Variants in AP1S3 observed in about 807,000 individuals in gnomAD.
The protein encoded by AP1S3 is adaptor related protein complex 1 subunit sigma 3, also known as AP-1 complex subunit sigma-3.
AP1S3 carries 10 observed loss-of-function variants against 20.9 expected under a neutral mutation model. The observed-to-expected ratio is 0.48, with a 90% confidence interval of 0.29 to 0.81. The LOEUF is 0.81. Among genes scored for constraint, AP1S3 ranks in the 30% least tolerant of loss-of-function variants. AP1S3 has a pLI of 0.08. For synonymous variants in AP1S3, 41 were observed against 61.5 expected (o/e 0.67, Z 1.56); for missense variants, 154 against 183.8 (o/e 0.84, Z 0.94).
chr2:223,821,639 A>C (rs1433756778), intron 1 of AP1S3, among the ~76,000 whole-genome samples: 1 of 152,176 alleles, frequency 6.6e-6, no homozygotes, highest in Non-Finnish European at 1.5e-5. Flanking sequence ...TTCGTGAGCA[A>C]TGCAGCCACG....
At chr2:223,813,491 G>C (rs1559142711) in intron 1 of AP1S3, among the ~76,000 whole-genome samples, 2 of 152,158 alleles carry the variant, frequency 1.3e-5, no homozygotes, top group Non-Finnish European at 2.9e-5. Context: ...CTTTTAAAAT[G>C]TGGTAACTGA....
chr2:223,822,548 G>A (rs995718965), intron 1 of AP1S3, among the ~76,000 whole-genome samples: 10 of 152,096 alleles, frequency 6.6e-5, no homozygotes, highest in Non-Finnish European at 1.5e-4. Flanking sequence ...GCCGGGCATG[G>A]TGGTGCATTC....
Position 223,758,519 on chromosome 2 carries a change from C to T in AP1S3, c.*196G>A. On this transcript the variant is annotated 3_prime_UTR_variant, in exon 5 of 5. Coordinates refer to ENST00000396654, the MANE Select transcript of AP1S3 (RefSeq NM_001039569.2). ...GTACCTATACAGTATAACACAGACA[C>T]ATAATTTTTTTTAATAATACAGACA... The T allele has an allele frequency of 1.5e-6, 2 of 1,291,694 alleles. No homozygotes were observed. Among genetic ancestry groups the T allele is most frequent in the Non-Finnish European group, 2.0e-6 (2 of 1,021,434 alleles). 80.0% of individuals were successfully genotyped at this position (1,291,694 alleles called of 1,614,324 possible). A position where few individuals can be genotyped will look rare whatever the true frequency, so the allele number is the denominator to read the frequency against.
intron 1 of AP1S3, among the ~76,000 whole-genome samples, chr2:223,825,869 T>A (rs1293732564): frequency 6.6e-6 from 1 of 151,860 alleles, no homozygotes; most frequent in Non-Finnish European, 1.5e-5. Context: ...AGACAAAAAT[T>A]AGTCAGGTGT....
At chr2:223,826,723 G>A (rs369718333) in intron 1 of AP1S3, among the ~76,000 whole-genome samples, 8 of 151,988 alleles carry the variant, frequency 5.3e-5, no homozygotes, top group African/African-American at 1.9e-4. Context: ...GCACAATCTC[G>A]GCTCACTGCA....
At chr2:223,763,511 C>T (rs1228315232) in intron 4 of AP1S3, among the ~76,000 whole-genome samples, 1 of 152,124 alleles carries the variant, frequency 6.6e-6, no homozygotes, top group African/African-American at 2.4e-5. Flanking sequence ...CCTCCACCCC[C>T]TCCACCTGCC....
intron 1 of AP1S3, among the ~76,000 whole-genome samples, chr2:223,823,277 G>A (rs927588579): frequency 6.6e-6 from 1 of 152,204 alleles, no homozygotes; most frequent in African/African-American, 2.4e-5. Context: ...ATTTGGAGGA[G>A]ATACCTGCAA....
chr2:223,762,516 G>A (rs1401312786), intron 4 of AP1S3, among the ~76,000 whole-genome samples: 4 of 151,906 alleles, frequency 2.6e-5, no homozygotes, highest in East Asian at 1.9e-4. Flanking sequence ...CAAGTGATCC[G>A]CCCACCTCGG....
intron 1 of AP1S3, among the ~76,000 whole-genome samples, chr2:223,815,309 C>T (rs1325315747): frequency 6.6e-6 from 1 of 152,164 alleles, no homozygotes; most frequent in Non-Finnish European, 1.5e-5. Context: ...TATGACACAT[C>T]TTTGAGAGGC....
At chr2:223,831,608 G>C (rs1430758262) in intron 1 of AP1S3, among the ~76,000 whole-genome samples, 1 of 152,150 alleles carries the variant, frequency 6.6e-6, no homozygotes. Flanking sequence ...AACAGAGAAA[G>C]TATCGGGGAA....
intron 1 of AP1S3, among the ~76,000 whole-genome samples, chr2:223,808,684 G>A (rs1349270987): frequency 6.6e-6 from 1 of 152,180 alleles, no homozygotes; most frequent in Non-Finnish European, 1.5e-5. Flanking sequence ...TTCCTTCAGA[G>A]TACTCAATAC....
At chr2:223,809,473 C>T (rs1028146512) in intron 1 of AP1S3, among the ~76,000 whole-genome samples, 19 of 151,776 alleles carry the variant, frequency 1.3e-4, no homozygotes, top group African/African-American at 4.6e-4. Flanking sequence ...GGTGAAACCC[C>T]GTCTCTACTA....
chr2:223,828,590 C>T (rs1164108576), intron 1 of AP1S3, among the ~76,000 whole-genome samples: 2 of 152,122 alleles, frequency 1.3e-5, no homozygotes, highest in Non-Finnish European at 2.9e-5. Flanking sequence ...AAATTCTTCT[C>T]CTGTGTGATT....
chr2:223,795,782 A>G (rs1691323235), intron 1 of AP1S3, among the ~76,000 whole-genome samples: 1 of 152,332 alleles, frequency 6.6e-6, no homozygotes, highest in Non-Finnish European at 1.5e-5. Context: ...TAAGGACCTC[A>G]GTGATGCTGG....
chr2:223,794,239 C>T (rs1356823258), intron 1 of AP1S3, among the ~76,000 whole-genome samples: 2 of 151,960 alleles, frequency 1.3e-5, no homozygotes, highest in Non-Finnish European at 1.5e-5. Flanking sequence ...TGGAGAATTG[C>T]TTTGGCTTTT....
intron 1 of AP1S3, among the ~76,000 whole-genome samples, chr2:223,779,140 C>A (rs1003216007): frequency 6.6e-6 from 1 of 152,160 alleles, no homozygotes; most frequent in Non-Finnish European, 1.5e-5. Context: ...AGGAAGCAAC[C>A]TGATTTTATT....
At chr2:223,826,604 A>C (rs1692134678) in intron 1 of AP1S3, among the ~76,000 whole-genome samples, 1 of 152,178 alleles carries the variant, frequency 6.6e-6, no homozygotes, top group African/African-American at 2.4e-5. Context: ...GAAACAAAAC[A>C]AAACAAAATT....
At chr2:223,791,309 G>A (rs1350970889) in intron 1 of AP1S3, among the ~76,000 whole-genome samples, 4 of 152,230 alleles carry the variant, frequency 2.6e-5, no homozygotes, top group Middle Eastern at 3.4e-3. Context: ...ACCAAATCCA[G>A]CAGCACATCA....
chr2:223,831,101 T>C (rs1055148114), intron 1 of AP1S3, among the ~76,000 whole-genome samples: 78 of 152,112 alleles, frequency 5.1e-4, no homozygotes, highest in African/African-American at 1.7e-3. Context: ...CTCCTCAGCC[T>C]CCCAAAGTGC....
Sources: gnomAD v4.1 joint callset for allele counts (sites outside exome capture counted in the v4.1 genomes callset) on GRCh38, gnomAD v4.1.1 for gene constraint, MANE v1.5 for transcripts, NCBI Gene and HGNC (gene_info 2026-07-23, HGNC 2026-07-21) for gene names.